JHY: variants seen among roughly 807,000 people sequenced by gnomAD.
The protein encoded by JHY is junctional cadherin complex regulator, also known as jhy protein homolog.
Under a neutral mutation model 78.0 loss-of-function variants are expected in JHY, and 69 were observed. The ratio of observed to expected loss-of-function variants is 0.88; its 90% CI spans 0.73 to 1.08. The LOEUF is 1.08. JHY is among the 50% of genes least tolerant of loss of function. JHY has a pLI of 0.00. For synonymous variants in JHY, 368 were observed against 342.6 expected, an observed-to-expected ratio of 1.07 and a Z score of -0.82; for missense variants, 944 against 927.8, an observed-to-expected ratio of 1.02 and a Z score of -0.23.
intron 8 of JHY, among the ~76,000 whole-genome samples, chr11:122,957,866 T>A (rs1864226615): frequency 6.6e-6 from 1 of 152,000 alleles, no homozygotes; most frequent in South Asian, 2.1e-4. Flanking sequence ...TTCCTGAAGT[T>A]ATTGTCTCCA....
intron 4 of JHY, among the ~76,000 whole-genome samples, chr11:122,927,856 G>C (rs1183827915): frequency 6.6e-6 from 1 of 151,158 alleles, no homozygotes; most frequent in African/African-American, 2.4e-5. Context: ...TCAGCCTCCT[G>C]AGTAGCTGGG....
rs559689130 is a variant in JHY, at chr11:122,935,285, A to T, written c.1634+210A>T. ...ATTCTTGCTCTGTTGCCCAGGCTGG[A>T]GTGCAGTGGTGCCATCTTGGCTCAT... On this transcript the variant is annotated intron_variant, in intron 5 of 8. Coordinates refer to ENST00000227349, the MANE Select transcript of JHY (RefSeq NM_024806.4). This position sits in a 1 kb window ranked among gnomAD's most constrained non-coding sequence, Gnocchi z 4.5. Among the ~76,000 whole-genome samples the T allele has an allele frequency of 1.4e-4, 21 of 151,374 alleles. No individual in the cohort carries two copies. Among genetic ancestry groups the T allele is most frequent in the Non-Finnish European group, 2.7e-4 (18 of 67,852 alleles).
chr11:122,904,531 AGAT>A, intron 3 of JHY, 87 bp downstream of exon 3: 1 of 1,428,522 alleles, frequency 7.0e-7, no homozygotes, highest in South Asian at 1.4e-5. Flanking sequence ...GCTTCCTTTA[AGAT>A]GACGATGTCA....
rs112555084 is a variant in JHY, at chr11:122,958,997, A to G, written c.2140-251A>G. 1.6e-4 allele frequency: 155 copies of G among 985,268 alleles called. 1 individual carries two copies. In the African/African-American group the frequency reaches 2.4e-3, roughly 15 times the overall value. 61.0% of individuals were successfully genotyped at this position (985,268 alleles called of 1,614,324 possible). ...GAAGGAAACTCAGTTTTATGACAAA[A>G]GCATCCAAAGGACACAACCGTATGT... On this transcript the variant is annotated intron_variant, in intron 8 of 8. Coordinates refer to ENST00000227349, the MANE Select transcript of JHY (RefSeq NM_024806.4).
intron 2 of JHY, among the ~76,000 whole-genome samples, chr11:122,894,239 G>A (rs944803598): frequency 2.0e-5 from 3 of 151,884 alleles, no homozygotes; most frequent in Non-Finnish European, 2.9e-5. Context: ...CCCAGGAGGC[G>A]GAAGTTGCAG....
intron 3 of JHY, among the ~76,000 whole-genome samples, chr11:122,919,086 G>T (rs1476289590): frequency 6.6e-6 from 1 of 151,882 alleles, no homozygotes; most frequent in Non-Finnish European, 1.5e-5. Context: ...GGCACAGTGG[G>T]TCACGCCTGT....
At chr11:122,953,039 T>A (rs940158522) in intron 6 of JHY, among the ~76,000 whole-genome samples, 1 of 152,224 alleles carries the variant, frequency 6.6e-6, no homozygotes, top group African/African-American at 2.4e-5. Context: ...ATCTTGTGGC[T>A]CCATTGTTAG....
At chr11:122,895,123 G>C (rs1862712197) in intron 2 of JHY, among the ~76,000 whole-genome samples, 1 of 152,262 alleles carries the variant, frequency 6.6e-6, no homozygotes. Context: ...TGGAAACAAT[G>C]ATCAGTTTTA....
intron 6 of JHY, among the ~76,000 whole-genome samples, chr11:122,947,775 G>T (rs1274340286): frequency 6.6e-6 from 1 of 152,162 alleles, no homozygotes; most frequent in Non-Finnish European, 1.5e-5. Context: ...AGCAACCTGG[G>T]GTACCTTTAA....
intron 3 of JHY, among the ~76,000 whole-genome samples, chr11:122,906,228 C>T (rs1591375440): frequency 6.6e-6 from 1 of 152,174 alleles, no homozygotes; most frequent in African/African-American, 2.4e-5. Flanking sequence ...TGGCCTTTCA[C>T]CCAAGCTGGA....
chr11:122,926,880 G>A (rs1477279218), intron 4 of JHY, among the ~76,000 whole-genome samples: 1 of 152,172 alleles, frequency 6.6e-6, no homozygotes, highest in African/African-American at 2.4e-5. Flanking sequence ...GCTGCAAAAT[G>A]CTAGAATTCT....
intron 8 of JHY, 41 bp from the exon 9 acceptor site, chr11:122,959,207 C>T (rs748784870): frequency 6.4e-7 from 1 of 1,572,444 alleles, no homozygotes; most frequent in East Asian, 2.2e-5. Flanking sequence ...AATCCAGGCT[C>T]ACTTCCCATT....
rs149234120 is a variant in JHY at position 122,946,749 on chromosome 11, A to T, written c.1886A>T (p.Gln629Leu). 116 of 1,613,574 alleles carry T rather than the reference A, an allele frequency of 7.2e-5. No individual in the cohort carries two copies. In the Admixed American group the frequency reaches 9.9e-4, roughly 14 times the overall value. Residue 629 changes from glutamine to leucine, a missense_variant, in exon 6 of 9, where the codon CAA becomes CTA. Gln to Leu is a moderately radical substitution (Grantham distance 113). Coordinates refer to ENST00000227349, the MANE Select transcript of JHY (RefSeq NM_024806.4). ...SRSNSEGYLF[Q>L]LEKGKKHKKR... The stretch of plus-strand genomic sequence containing the variant: ...AGCAATTCTGAAGGCTATCTGTTTC[A>T]ACTGGAAAAGGGAAAAAAGCATAAG...
chr11:122,918,747 G>A (rs17246914), intron 3 of JHY, among the ~76,000 whole-genome samples: 7,469 of 151,308 alleles, frequency 0.049, 313 homozygotes, highest in Non-Finnish European at 0.07. Context: ...TTTTCATGCC[G>A]TCGTATTTAT....
chr11:122,905,238 T>G (rs947450286), intron 3 of JHY: 7 of 1,613,930 alleles, frequency 4.3e-6, no homozygotes, highest in Non-Finnish European at 5.9e-6. Flanking sequence ...GTAAACTTAG[T>G]TCCATTTCAC....
At chr11:122,958,851 G>A (rs1864246272) in intron 8 of JHY, 1 of 985,088 alleles carries the variant, frequency 1.0e-6, no homozygotes, top group South Asian at 4.7e-5. Context: ...GATGTCTTTG[G>A]TCTCAAGCTG....
chr11:122,924,928 C>CAGAATAACA lies in JHY; in HGVS notation c.896_897insAGAATAACA (p.Thr299_Ser300insGluTer). On this transcript the variant is annotated stop_gained and inframe_insertion, in exon 4 of 9. Coordinates refer to ENST00000227349, the MANE Select transcript of JHY (RefSeq NM_024806.4). LOFTEE classifies it high-confidence loss of function. ...TACCCCGTCAGAGTAACAGACAAGA[C>CAGAATAACA]GTCTATTCAGAATGCCAAGGAAATG... 3.7e-6 allele frequency: 6 copies of CAGAATAACA among 1,613,868 alleles called. No homozygotes were observed. The highest frequency in any genetic ancestry group is 5.1e-6 in the Non-Finnish European group (6 of 1,179,850).
chr11:122,924,646 T>C (rs1863454434), intron 3 of JHY, among the ~76,000 whole-genome samples: 1 of 152,192 alleles, frequency 6.6e-6, no homozygotes, highest in Non-Finnish European at 1.5e-5. Flanking sequence ...GTATTGAGCA[T>C]GTAAAGTAAG....
At chr11:122,940,567 G>A (rs536932255) in intron 5 of JHY, among the ~76,000 whole-genome samples, 1 of 152,190 alleles carries the variant, frequency 6.6e-6, no homozygotes, top group Non-Finnish European at 1.5e-5. Flanking sequence ...TAAACCTTTT[G>A]ATTAAGGTAG....
Sources: allele counts gnomAD v4.1 joint callset (sites outside exome capture counted in the v4.1 genomes callset), GRCh38; gene constraint gnomAD v4.1.1; non-coding constraint Gnocchi (gnomAD v3.1); transcripts MANE v1.5; gene names NCBI Gene and HGNC (gene_info 2026-07-23, HGNC 2026-07-21).